The following WDR44 variants were observed in gnomAD, a reference collection of about 807,000 sequenced individuals.
WDR44 encodes the protein WD repeat-containing protein 44.
A neutral mutation model predicts 65.7 loss-of-function variants in WDR44; 9 were observed. The ratio of observed to expected loss-of-function variants is 0.14; its 90% CI spans 0.08 to 0.24. WDR44 has a LOEUF of 0.24. WDR44 is among the 10% of genes least tolerant of loss of function. WDR44 has a pLI of 1.00. For missense variants in WDR44, 425 were observed against 670.9 expected (o/e 0.63, Z 4.05); for synonymous variants, 220 against 235.2 (o/e 0.94, Z 0.59).
chrX:118,431,602 C>T (rs12393163), intron 12 of WDR44, among the ~76,000 whole-genome samples: 14,832 of 111,669 alleles, frequency 0.13, 1,093 homozygotes, highest in African/African-American at 0.28. Flanking sequence ...CGTGCCTCGC[C>T]AAGGCCTTTT....
At position 118,438,411 on chromosome X, in the gene WDR44, CTTTCTTTTCT is replaced by C. The variant is rs200762627; in HGVS notation, c.1974+1601_1974+1610del. 1.3e-4 allele frequency among the ~76,000 whole-genome samples: 14 copies of C among 108,013 alleles called. 1 individual carries two copies. Among genetic ancestry groups the C allele is most frequent in the East Asian group, 8.9e-4 (3 of 3,372 alleles). The allele number at this position is 108,013 out of a possible 115,157, so 93.8% of individuals were successfully genotyped here. ...ATTTGGTTGTGTTCGTTTTCTTTCT[CTTTCTTTTCT>C]TTTCTTTTCTTTTTATTTATCTATT... On this transcript the variant is annotated intron_variant, in intron 14 of 19. Coordinates refer to ENST00000254029, the MANE Select transcript of WDR44 (RefSeq NM_019045.5).
At chrX:118,366,082 T>G (rs2056550585) in intron 1 of WDR44, among the ~76,000 whole-genome samples, 1 of 112,028 alleles carries the variant, frequency 8.9e-6, no homozygotes, top group African/African-American at 3.2e-5. Context: ...TTAGGTACTT[T>G]TATCTCCTTG....
chrX:118,355,110 A>AT (rs911507821), intron 1 of WDR44, among the ~76,000 whole-genome samples: 21 of 110,159 alleles, frequency 1.9e-4, no homozygotes, highest in Non-Finnish European at 2.7e-4. Context: ...TAACAATTGA[A>AT]TTTTTTTTTT....
At chrX:118,422,176 T>C (rs1422852622) in intron 12 of WDR44, among the ~76,000 whole-genome samples, 1 of 109,718 alleles carries the variant, frequency 9.1e-6, no homozygotes, top group Non-Finnish European at 1.9e-5. Flanking sequence ...GGAGGATTGC[T>C]TGAGTCCAGG....
intron 1 of WDR44, among the ~76,000 whole-genome samples, chrX:118,352,344 ATATATATATTTTTTT>A (rs1361595646): frequency 1.7e-4 from 4 of 23,069 alleles, no homozygotes; most frequent in African/African-American, 1.3e-3. Context: ...ATATATATAT[ATATATATATTTTTTT>A]TTTTTTTTTT....
intron 14 of WDR44, among the ~76,000 whole-genome samples, chrX:118,440,594 G>A (rs1277111915): frequency 9.0e-6 from 1 of 110,822 alleles, no homozygotes; most frequent in African/African-American, 3.3e-5. Context: ...TTCCTGAAAG[G>A]TCTAGCACCT....
intron 1 of WDR44, among the ~76,000 whole-genome samples, chrX:118,367,019 G>T (rs1171891530): frequency 1.4e-4 from 15 of 109,924 alleles, no homozygotes; most frequent in Non-Finnish European, 2.9e-4. Context: ...CTGGAAGGCG[G>T]AGCTTGCGGT....
intron 3 of WDR44, among the ~76,000 whole-genome samples, chrX:118,390,533 GATT>G (rs980440853): frequency 9.0e-6 from 1 of 111,563 alleles, no homozygotes; most frequent in Non-Finnish European, 1.9e-5. Flanking sequence ...AGGAGGGAGA[GATT>G]ATTATCAGAT....
rs1602875016 is a variant in WDR44, at chrX:118,369,271, A to C, written c.78-9148A>C. Among the ~76,000 whole-genome samples the C allele has an allele frequency of 2.8e-5, 3 of 108,825 alleles. No individual in the cohort carries two copies. In the East Asian group the frequency reaches 8.7e-4, roughly 31 times the overall value. 94.5% of individuals were successfully genotyped at this position (108,825 alleles called of 115,157 possible). A position where few individuals can be genotyped will look rare whatever the true frequency, so the allele number is the denominator to read the frequency against. On this transcript the variant is annotated intron_variant, in intron 1 of 19. Coordinates refer to ENST00000254029, the MANE Select transcript of WDR44 (RefSeq NM_019045.5). ...ACTGCAAGCTCCGCCTCCCGGGTTC[A>C]CGCCATTCTCCTGCCTCAGCCTCCC...
At chrX:118,372,920 C>G (rs984200264) in intron 1 of WDR44, among the ~76,000 whole-genome samples, 3 of 111,358 alleles carry the variant, frequency 2.7e-5, no homozygotes, top group Non-Finnish European at 5.7e-5. Context: ...GAAACCCCAT[C>G]TCTACTAAAA....
At position 118,449,029 on chromosome X, in the gene WDR44, T is replaced by TA. The variant is rs765322797; in HGVS notation, c.*43dup. ...AAATAAACATATCAGTAAGTTTCTATATGTATCAAAACTGAAAAAATAGTG... is the reference window on the plus strand; with the variant it reads ...AAATAAACATATCAGTAAGTTTCTATAATGTATCAAAACTGAAAAAATAGTG... On this transcript the variant is annotated 3_prime_UTR_variant, in exon 20 of 20. Transcript: ENST00000254029. 3 of 929,341 alleles carry TA rather than the reference T, an allele frequency of 3.2e-6. No individual in the cohort carries two copies. The African/African-American group carries it at 5.9e-5, about 18-fold the overall frequency. The allele number at this position is 929,341 out of a possible 1,213,427, so 76.6% of individuals were successfully genotyped here.
intron 18 of WDR44, among the ~76,000 whole-genome samples, chrX:118,443,888 C>CA (rs1211656817): frequency 2.7e-5 from 3 of 109,973 alleles, no homozygotes; most frequent in African/African-American, 6.6e-5. Context: ...ACTAAAAATA[C>CA]AAAAAAAATT....
chrX:118,398,168 C>G (rs1408788286), intron 7 of WDR44, among the ~76,000 whole-genome samples: 1 of 111,664 alleles, frequency 9.0e-6, no homozygotes, highest in African/African-American at 3.3e-5. Context: ...ACCAGGGAGG[C>G]GGAGGTTGCA....
In WDR44 at chrX:118,398,444, T is replaced by G; in HGVS notation, c.1248T>G (p.Thr416=). 2 of 1,210,011 alleles carry G rather than the reference T, an allele frequency of 1.7e-6. No homozygotes were observed. Among genetic ancestry groups the G allele is most frequent in the Non-Finnish European group, 2.2e-6 (2 of 894,244 alleles). Reference sequence around the variant, plus strand: ...AGTTACAGTCTCAGCCAACAGATACTGATGGTGGAAGGTTAAAACAGAAAA... The same window carrying G: ...AGTTACAGTCTCAGCCAACAGATACGGATGGTGGAAGGTTAAAACAGAAAA... ...EEKLQSQPTD[T]DGGRLKQKTT... Residue 416 remains threonine, a synonymous_variant, in exon 8 of 20, where the codon ACT becomes ACG. Transcript: ENST00000254029.
chrX:118,379,743 T>G (rs1044262336), intron 2 of WDR44, among the ~76,000 whole-genome samples: 57 of 111,873 alleles, frequency 5.1e-4, no homozygotes, highest in African/African-American at 1.8e-3. Flanking sequence ...ATTGAGTGCT[T>G]AAGAAAAGTT....
rs1298500118 is a variant in WDR44 at position 118,387,339 on chromosome X, G to C, written c.112-1G>C. On this transcript the variant is annotated splice_acceptor_variant, in intron 2 of 19. Transcript: ENST00000254029. LOFTEE classifies it high-confidence loss of function. ...CTCTATTTCTTTTCTTTTTCAAACA[G>C]GAAACAGAGAACACTGCATACAAAG... 8.5e-7 allele frequency: 1 copy of C among 1,176,053 alleles called. No individual in the cohort carries two copies. Among genetic ancestry groups the C allele is most frequent in the South Asian group, 1.9e-5 (1 of 51,930 alleles).
chrX:118,359,256 A>AATAGT (rs1217851547), intron 1 of WDR44, among the ~76,000 whole-genome samples: 36 of 112,320 alleles, frequency 3.2e-4, no homozygotes, highest in African/African-American at 1.1e-3. Flanking sequence ...ACTGGAAATT[A>AATAGT]CTTTAAGTCA....
At chrX:118,385,198 GCA>G (rs1195430779) in intron 2 of WDR44, among the ~76,000 whole-genome samples, 2 of 111,951 alleles carry the variant, frequency 1.8e-5, no homozygotes, top group African/African-American at 6.5e-5. Context: ...AAAGACACAT[GCA>G]CACACATGTT....
intron 1 of WDR44, among the ~76,000 whole-genome samples, chrX:118,368,072 A>G (rs755225071): frequency 8.9e-6 from 1 of 111,782 alleles, no homozygotes; most frequent in East Asian, 2.8e-4. Flanking sequence ...TCAACATACT[A>G]AATTAGAGAG....
Sources: gnomAD v4.1 joint callset for allele counts (sites outside exome capture counted in the v4.1 genomes callset) on GRCh38, gnomAD v4.1.1 for gene constraint, MANE v1.5 for transcripts, NCBI Gene and HGNC (gene_info 2026-07-23, HGNC 2026-07-21) for gene names.